OPLAH: variants seen among roughly 807,000 people sequenced by gnomAD.
OPLAH encodes 5-oxoprolinase.
In OPLAH, 103 loss-of-function variants were observed where a neutral mutation model predicts 122.8. The observed-to-expected ratio is 0.84, with a 90% confidence interval of 0.71 to 0.99. The LOEUF is 0.99. Among genes scored for constraint, OPLAH ranks in the 50% least tolerant of loss-of-function variants. OPLAH has a pLI of 0.00. For synonymous variants in OPLAH, 875 were observed against 796.0 expected, an observed-to-expected ratio of 1.10 and a Z score of -1.67; for missense variants, 1,902 against 1,836.5, an observed-to-expected ratio of 1.04 and a Z score of -0.65.
chr8:144,056,182 C>T lies in OPLAH; in HGVS notation c.2061G>A (p.Lys687=), dbSNP rs1261603279. 4 of 1,611,566 alleles carry T rather than the reference C, an allele frequency of 2.5e-6. No homozygotes were observed. In the African/African-American group the frequency reaches 4.0e-5, roughly 16 times the overall value. Reference sequence around the variant, plus strand: ...CGATGATGAGGCAGGGCCCATGGAGCTTGTGCCCATAGCCCAGCTCTGCCA... The same window carrying T: ...CGATGATGAGGCAGGGCCCATGGAGTTTGTGCCCATAGCCCAGCTCTGCCA... ...YLLAELGYGH[K]LHGPCLIIDS... Residue 687 remains lysine, a synonymous_variant, in exon 15 of 27, where the codon AAG becomes AAA. Coordinates refer to ENST00000618853, the MANE Select transcript of OPLAH (RefSeq NM_017570.5).
rs542276870 is a variant in OPLAH, at chr8:144,056,661, G to A, written c.1801C>T (p.Arg601Cys). 50 of 1,612,012 alleles carry A rather than the reference G, an allele frequency of 3.1e-5. No individual in the cohort carries two copies. In the South Asian group the frequency reaches 4.3e-4, roughly 14 times the overall value. ...VSAHQHPATA[R>C]SPRAGDFGAA... ...CCGAAGTCCCCCGCACGGGGCGAGC[G>A]GGCTGTGGCTGGGTGCTGGTGGGCA... Residue 601 changes from arginine (R) to cysteine (C), a missense_variant, in exon 13 of 27, where the codon CGC becomes TGC. Arg to Cys is a radical substitution (Grantham distance 180, BLOSUM62 -3). Around this residue, in one of 3 missense-constraint regions of OPLAH, gnomAD observed 1,726 missense variants for 1,642.1 expected, o/e 1.05. Coordinates refer to ENST00000618853, the MANE Select transcript of OPLAH (RefSeq NM_017570.5).
chr8:144,052,920 G>C lies in OPLAH; in HGVS notation c.3019-20C>G. ...GCTGCCCTGCGCGCCCCGAGGGAAG[G>C]GAGAGGCTGTCAGCGGCCGCACCGT... On this transcript the variant is annotated intron_variant, in intron 21 of 26. Transcript: ENST00000618853. 6.4e-7 allele frequency: 1 copy of C among 1,563,582 alleles called. No homozygotes were observed. Among genetic ancestry groups the C allele is most frequent in the Non-Finnish European group, 8.7e-7 (1 of 1,154,728 alleles).
At chr8:144,056,063 G>A in intron 15 of OPLAH, 84 bp downstream of exon 15, 1 of 1,526,332 alleles carries the variant, frequency 6.6e-7, no homozygotes, top group Non-Finnish European at 8.9e-7. Context: ...GCAGGCCCCT[G>A]CAGCCTTGGG....
At position 144,058,848 on chromosome 8, in the gene OPLAH, G is replaced by A; in HGVS notation, c.512C>T (p.Ala171Val). Residue 171 changes from alanine (A) to valine (V), a missense_variant, in exon 5 of 27, where the codon GCC (alanine) becomes GTC (valine). Around this residue, in one of 3 missense-constraint regions of OPLAH, gnomAD observed 1,726 missense variants for 1,642.1 expected, o/e 1.05. Transcript: ENST00000618853. The part of the protein sequence containing the change: ...LEVQQPVDLG[A>V]LRGKLEGLLS... Reference sequence around the variant, plus strand: ...CAGCCCCTCCAGCTTCCCACGCAGGGCCCCCAGGTCCACAGGCTGCTGCAC... The same window carrying A: ...CAGCCCCTCCAGCTTCCCACGCAGGACCCCCAGGTCCACAGGCTGCTGCAC... 2 of 1,575,950 alleles carry A rather than the reference G, an allele frequency of 1.3e-6. No homozygotes were observed. Among genetic ancestry groups the A allele is most frequent in the Non-Finnish European group, 1.7e-6 (2 of 1,161,990 alleles).
In OPLAH at chr8:144,052,876, C is replaced by A; in HGVS notation, c.3043G>T (p.Gly1015Cys). The A allele has an allele frequency of 2.6e-6, 4 of 1,554,912 alleles. No homozygotes were observed. Among genetic ancestry groups the A allele is most frequent in the Non-Finnish European group, 2.6e-6 (3 of 1,149,834 alleles). ...TTACCAAACACCTCCGGCCCAGTGCCGCTGAAGTCAAACACGGCGCTGCCC... is the reference window on the plus strand; with the variant it reads ...TTACCAAACACCTCCGGCCCAGTGCAGCTGAAGTCAAACACGGCGCTGCCC... ...SQGSAVFDFSGTGPEVFGNLN... is the reference protein window; with the variant it reads ...SQGSAVFDFSCTGPEVFGNLN... The change falls in exon 22 of 27, where the codon GGC becomes TGC. Residue 1015 changes from glycine to cysteine, a missense_variant. Gly to Cys is a radical substitution (Grantham distance 159). Coordinates refer to ENST00000618853, the MANE Select transcript of OPLAH (RefSeq NM_017570.5).
intron 1 of OPLAH, 40 bp downstream of exon 1, chr8:144,060,613 G>C (rs1835644860): frequency 6.6e-6 from 1 of 151,250 alleles, no homozygotes; most frequent in South Asian, 2.0e-4. Flanking sequence ...AGGCAGCGGG[G>C]AAGGGCCGCG....
chr8:144,057,406 G>C, intron 10 of OPLAH, 42 bp downstream of exon 10: 3 of 1,589,226 alleles, frequency 1.9e-6, no homozygotes, highest in Non-Finnish European at 2.6e-6. Context: ...GCAGGGAGCA[G>C]GGCTGGGGGC....
In OPLAH at chr8:144,052,876, C is replaced by G. The variant is rs1554758046; in HGVS notation, c.3043G>C (p.Gly1015Arg). Residue 1015 changes from glycine to arginine, a missense_variant, in exon 22 of 27, where the codon GGC becomes CGC. Physicochemically the swap from Gly to Arg is moderately radical, Grantham distance 125. Around this residue, in one of 3 missense-constraint regions of OPLAH, gnomAD observed 1,726 missense variants for 1,642.1 expected, o/e 1.05. Transcript: ENST00000618853. ...SQGSAVFDFSGTGPEVFGNLN... is the reference protein window; with the variant it reads ...SQGSAVFDFSRTGPEVFGNLN... Reference sequence around the variant, plus strand: ...TTACCAAACACCTCCGGCCCAGTGCCGCTGAAGTCAAACACGGCGCTGCCC... The same window carrying G: ...TTACCAAACACCTCCGGCCCAGTGCGGCTGAAGTCAAACACGGCGCTGCCC... 6 of 1,554,794 alleles carry G rather than the reference C, an allele frequency of 3.9e-6. No individual in the cohort carries two copies. Among genetic ancestry groups the G allele is most frequent in the Admixed American group, 2.0e-5 (1 of 51,278 alleles).
At chr8:144,061,525 A>C (rs1218953011), upstream of OPLAH, among the ~76,000 whole-genome samples, 2 of 119,218 alleles carry the variant, frequency 1.7e-5, no homozygotes, top group Non-Finnish European at 3.7e-5. Context: ...CAAAAAAAAG[A>C]AAAAAAAAAA....
rs1554759398 is a variant in OPLAH, at chr8:144,057,019, C to T, written c.1635G>A (p.Val545=). The change falls in exon 12 of 27, where the codon GTG becomes GTA. Residue 545 remains valine, a synonymous_variant. Coordinates refer to ENST00000618853, the MANE Select transcript of OPLAH (RefSeq NM_017570.5). ...GGCGGCTCAGCCTCTGGTCCAGCTG[C>T]ACGAAGGTCTCAGGCGCGTAGAGCA... ...CSLLYAPETF[V]QLDQRLSRLE... The T allele has an allele frequency of 1.9e-6, 3 of 1,596,624 alleles. No individual in the cohort carries two copies. Among genetic ancestry groups the T allele is most frequent in the East Asian group, 4.5e-5 (2 of 44,118 alleles).
In OPLAH at chr8:144,059,580, C is replaced by G. The variant is rs1835616756; in HGVS notation, c.363+19G>C. ...GGTGTACACCACACAGCCTGGTCCC[C>G]AGCCAACATGGAGCTCACCAGGTCA... On this transcript the variant is annotated intron_variant, in intron 3 of 26. Transcript: ENST00000618853. 2 of 1,589,586 alleles carry G rather than the reference C, an allele frequency of 1.3e-6. No homozygotes were observed. The highest frequency in any genetic ancestry group is 2.3e-5 in the South Asian group (2 of 88,218).
In OPLAH at chr8:144,059,062, C is replaced by T. The variant is rs868936070; in HGVS notation, c.381G>A (p.Glu127=). ...DLFDLAVPMP[E]VLYEEVLEVD... ...CCTCCAGCACCTCTTCATACAGCAC[C>T]TCAGGCATGGGCACGGCCTGGGGGC... Residue 127 remains glutamate, a synonymous_variant, in exon 4 of 27, where the codon GAG becomes GAA. Coordinates refer to ENST00000618853, the MANE Select transcript of OPLAH (RefSeq NM_017570.5). 1.3e-6 allele frequency: 2 copies of T among 1,587,450 alleles called. No homozygotes were observed. The highest frequency in any genetic ancestry group is 1.8e-5 in the Admixed American group (1 of 56,588).
chr8:144,052,435 C>T lies in OPLAH; in HGVS notation c.3303+14G>A, dbSNP rs1186571102. The T allele has an allele frequency of 1.3e-6, 2 of 1,532,984 alleles. No individual in the cohort carries two copies. The highest frequency in any genetic ancestry group is 2.4e-5 in the South Asian group (2 of 83,750). 95.0% of individuals were successfully genotyped at this position (1,532,984 alleles called of 1,614,324 possible). A position where few individuals can be genotyped will look rare whatever the true frequency, so the allele number is the denominator to read the frequency against. ...CCAGTCCGCCCCCGAGCTGCGCCCACCCCGCCCCCGCACCTGGGAGGCGGC... is the reference window on the plus strand; with the variant it reads ...CCAGTCCGCCCCCGAGCTGCGCCCATCCCGCCCCCGCACCTGGGAGGCGGC... On this transcript the variant is annotated intron_variant, in intron 23 of 26. Coordinates refer to ENST00000618853, the MANE Select transcript of OPLAH (RefSeq NM_017570.5).
intron 19 of OPLAH, among the ~76,000 whole-genome samples, chr8:144,054,019 T>C (rs1835451058): frequency 8.7e-6 from 1 of 114,638 alleles, no homozygotes; most frequent in African/African-American, 3.4e-5. Flanking sequence ...ATCAGCATCA[T>C]CCAGGGCAAC....
intron 19 of OPLAH, 106 bp downstream of exon 19, chr8:144,054,455 G>C: frequency 8.1e-7 from 1 of 1,232,012 alleles, no homozygotes; most frequent in Non-Finnish European, 1.1e-6. Context: ...CCTCAAGGCA[G>C]GCCTGGGCCT....
Position 144,054,830 on chromosome 8 carries a change from G to T in OPLAH, c.2493C>A (p.Asp831Glu), listed in dbSNP as rs371352059. 4 of 1,612,294 alleles carry T rather than the reference G, an allele frequency of 2.5e-6. No individual in the cohort carries two copies. Among genetic ancestry groups the T allele is most frequent in the Non-Finnish European group, 3.4e-6 (4 of 1,179,794 alleles). Residue 831 changes from aspartate (D) to glutamate (E), a missense_variant, in exon 18 of 27, where the codon GAC becomes GAA. By Grantham distance (45) the Asp-to-Glu change is conservative. This residue lies in a region of OPLAH where 1,726 missense variants were observed against 1,642.1 expected (regional missense o/e 1.05). Transcript: ENST00000618853. ...HPSAGGSHLP[D>E]LTVITPVFWP... is the part of the protein sequence containing the mutation. Reference sequence around the variant, plus strand: ...CCCTCACCGGTGTGATAACAGTCAGGTCTGGCAGGTGGCTGCCCCCGGCAC... The same window carrying T: ...CCCTCACCGGTGTGATAACAGTCAGTTCTGGCAGGTGGCTGCCCCCGGCAC...
chr8:144,056,279 G>C lies in OPLAH; in HGVS notation c.1984-20C>G. On this transcript the variant is annotated intron_variant, in intron 14 of 26. Coordinates refer to ENST00000618853, the MANE Select transcript of OPLAH (RefSeq NM_017570.5). ...GGTCATCTGCAGAGGGTGCGGGTGA[G>C]TACAGCGCCCGGGCCCAGCACCCTC... 1 of 1,604,044 alleles carries C rather than the reference G, an allele frequency of 6.2e-7. No individual in the cohort carries two copies. The highest frequency in any genetic ancestry group is 8.5e-7 in the Non-Finnish European group (1 of 1,172,748).
At chr8:144,051,857 C>T in intron 25 of OPLAH, 31 bp from the exon 26 acceptor site, 1 of 1,142,154 alleles carries the variant, frequency 8.8e-7, no homozygotes, top group Non-Finnish European at 1.1e-6. Context: ...TCCAGAGAGA[C>T]CAGGGGCGGG....
intron 13 of OPLAH, 35 bp downstream of exon 13, chr8:144,056,583 C>T (rs1554759179): frequency 6.2e-7 from 1 of 1,612,196 alleles, no homozygotes; most frequent in Non-Finnish European, 8.5e-7. Flanking sequence ...CAGGAGGGCC[C>T]CTTGCCAGGG....
Sources: gnomAD v4.1 joint callset for allele counts (sites outside exome capture counted in the v4.1 genomes callset) on GRCh38, gnomAD v4.1.1 for gene constraint, gnomAD v4.1.1 regional missense constraint, MANE v1.5 for transcripts, NCBI Gene and HGNC (gene_info 2026-07-23, HGNC 2026-07-21) for gene names.